KLHL24: variants seen among roughly 807,000 people sequenced by gnomAD.
The protein encoded by KLHL24 is kelch like family member 24.
KLHL24 carries 29 observed loss-of-function variants against 53.4 expected under a neutral mutation model. The ratio of observed to expected loss-of-function variants is 0.54; its 90% CI spans 0.40 to 0.74. The LOEUF is 0.74. KLHL24 is among the 30% of genes least tolerant of loss of function. The pLI is 0.00. For synonymous variants in KLHL24, 222 were observed against 253.7 expected (o/e 0.88, Z 1.19); for missense variants, 504 against 744.0 (o/e 0.68, Z 3.75).
intron 3 of KLHL24, among the ~76,000 whole-genome samples, chr3:183,655,472 A>G (rs1373574409): frequency 3.3e-5 from 5 of 152,170 alleles, no homozygotes; most frequent in Admixed American, 2.0e-4. Context: ...CAGAAAAAAA[A>G]GAAAAAATTA....
chr3:183,668,664 T>C (rs1019818399), intron 5 of KLHL24, among the ~76,000 whole-genome samples: 2 of 152,266 alleles, frequency 1.3e-5, no homozygotes, highest in East Asian at 1.9e-4. Context: ...CCCAGCACTT[T>C]GGGAGGCCGA....
intron 3 of KLHL24, among the ~76,000 whole-genome samples, chr3:183,656,949 T>C (rs937541107): frequency 8.5e-5 from 13 of 152,052 alleles, no homozygotes; most frequent in Admixed American, 3.3e-4. Context: ...AACAATCTGA[T>C]TCTGATCTCT....
intron 7 of KLHL24, 33 bp downstream of exon 7, chr3:183,672,517 A>T: frequency 7.0e-7 from 1 of 1,436,550 alleles, no homozygotes; most frequent in South Asian, 1.3e-5. Context: ...AAGAAAAATA[A>T]ATCTAAGAGG....
At chr3:183,668,649 G>A (rs550450089) in intron 5 of KLHL24, among the ~76,000 whole-genome samples, 1 of 152,224 alleles carries the variant, frequency 6.6e-6, no homozygotes, top group African/African-American at 2.4e-5. Flanking sequence ...GCTCACGCCT[G>A]TAATCCCAGC....
In KLHL24 at chr3:183,650,978, G is replaced by C. The variant is rs202077836; in HGVS notation, c.622G>C (p.Asp208His). 1.0e-4 allele frequency: 167 copies of C among 1,614,062 alleles called. No homozygotes were observed. The highest frequency in any genetic ancestry group is 1.4e-4 in the Non-Finnish European group (161 of 1,180,044). ...CCAGCACGAAGAATTTCTTGAGCTT[G>C]ACAAAGATGAACTTATTGATTATAT... ...VSQHEEFLEL[D>H]KDELIDYICS... Residue 208 changes from aspartate to histidine, a missense_variant, in exon 3 of 8, where the codon GAC becomes CAC. Transcript: ENST00000242810. This position sits in a 1 kb window ranked among gnomAD's most constrained non-coding sequence, Gnocchi z 4.5.
intron 5 of KLHL24, among the ~76,000 whole-genome samples, chr3:183,668,774 G>A (rs572659797): frequency 6.6e-6 from 1 of 152,108 alleles, no homozygotes; most frequent in Admixed American, 6.5e-5. Context: ...GCATAGTGGC[G>A]GACACCTGTA....
chr3:183,658,199 C>T (rs936952188), intron 3 of KLHL24, among the ~76,000 whole-genome samples: 9 of 137,720 alleles, frequency 6.5e-5, no homozygotes, highest in East Asian at 2.2e-4. Flanking sequence ...GATGACAGAG[C>T]GAGACTCTGT....
chr3:183,647,804 G>A (rs1352507137), intron 2 of KLHL24, among the ~76,000 whole-genome samples: 1 of 152,052 alleles, frequency 6.6e-6, no homozygotes, highest in Non-Finnish European at 1.5e-5. Flanking sequence ...AGGAGTTCAA[G>A]ACCAGCCTAG....
At chr3:183,668,167 A>G (rs1720838340) in intron 5 of KLHL24, among the ~76,000 whole-genome samples, 1 of 151,962 alleles carries the variant, frequency 6.6e-6, no homozygotes, top group East Asian at 1.9e-4. Context: ...GTTTGTTAGT[A>G]CTTACTATAT....
chr3:183,669,272 A>G (rs1169526538), intron 5 of KLHL24, among the ~76,000 whole-genome samples: 1 of 152,168 alleles, frequency 6.6e-6, no homozygotes, highest in Non-Finnish European at 1.5e-5. Context: ...GAATCCCTTG[A>G]AGCCAGGAGG....
At position 183,659,462 on chromosome 3, in the gene KLHL24, G is replaced by A. The variant is rs111656436; in HGVS notation, c.921-3996G>A. ...TGAGGCAGGAGAATGGCTTGAACCCGGGAAGAGGCAGAGATTGCAAGATCG... is the reference window on the plus strand; with the variant it reads ...TGAGGCAGGAGAATGGCTTGAACCCAGGAAGAGGCAGAGATTGCAAGATCG... On this transcript the variant is annotated intron_variant, in intron 3 of 7. Transcript: ENST00000242810. Among the ~76,000 whole-genome samples, 51 of 152,298 alleles carry A rather than the reference G, an allele frequency of 3.3e-4. 1 individual carries two copies. The highest frequency in any genetic ancestry group is 8.7e-4 in the African/African-American group (36 of 41,570).
chr3:183,641,906 C>T (rs1326456056), intron 1 of KLHL24, among the ~76,000 whole-genome samples: 1 of 152,154 alleles, frequency 6.6e-6, no homozygotes, highest in African/African-American at 2.4e-5. Flanking sequence ...TTACCCTTAC[C>T]GATTAGGTTG....
chr3:183,660,739 A>G (rs530729331), intron 3 of KLHL24, among the ~76,000 whole-genome samples: 277 of 152,214 alleles, frequency 1.8e-3, no homozygotes, highest in African/African-American at 6.1e-3. Context: ...CTTACCACAC[A>G]AATTGATACT....
intron 7 of KLHL24, among the ~76,000 whole-genome samples, chr3:183,674,171 TAAAC>T (rs893042467): frequency 7.9e-5 from 12 of 152,152 alleles, no homozygotes; most frequent in Admixed American, 5.2e-4. Context: ...AAGTTTTACC[TAAAC>T]AAACAAAAAT....
intron 3 of KLHL24, among the ~76,000 whole-genome samples, chr3:183,657,074 T>A (rs1040355302): frequency 4.0e-5 from 6 of 149,914 alleles, no homozygotes; most frequent in African/African-American, 1.5e-4. Flanking sequence ...GTAGTGTGGT[T>A]CTGATGCTGC....
chr3:183,666,573 AT>A (rs1720595913), intron 5 of KLHL24, among the ~76,000 whole-genome samples: 1 of 151,988 alleles, frequency 6.6e-6, no homozygotes, highest in Non-Finnish European at 1.5e-5. Flanking sequence ...AATATTTTGG[AT>A]TTTTTTCATA....
At chr3:183,637,723 A>G (rs758698954) in intron 1 of KLHL24, among the ~76,000 whole-genome samples, 3 of 152,188 alleles carry the variant, frequency 2.0e-5, no homozygotes, top group Admixed American at 1.3e-4. Flanking sequence ...CACCCAGGCC[A>G]TCTCAGCTCA....
chr3:183,657,106 T>TGCA (rs147996720), intron 3 of KLHL24, among the ~76,000 whole-genome samples: 50,490 of 151,528 alleles, frequency 0.33, 9,184 homozygotes, highest in African/African-American at 0.49. Flanking sequence ...CCTGTCCTGA[T>TGCA]CCACATCCTT....
rs1712979324 is a variant in KLHL24 at position 183,684,267 on chromosome 3, A to G, written c.*4981A>G. On this transcript the variant is annotated 3_prime_UTR_variant, in exon 8 of 8. Coordinates refer to ENST00000242810, the MANE Select transcript of KLHL24 (RefSeq NM_017644.3). Reference sequence around the variant, plus strand: ...TACAAATTTAGAGTTGAACAAAAGTATAATCTGCTTTACAACTAGTATAGA... The same window carrying G: ...TACAAATTTAGAGTTGAACAAAAGTGTAATCTGCTTTACAACTAGTATAGA... 6.6e-6 allele frequency: 1 copy of G among 152,572 alleles called. No homozygotes were observed. Among genetic ancestry groups the G allele is most frequent in the African/African-American group, 2.4e-5 (1 of 41,462 alleles). The allele number at this position is 152,572 out of a possible 1,614,324, so 9.5% of individuals were successfully genotyped here. A position where few individuals can be genotyped will look rare whatever the true frequency, so the allele number is the denominator to read the frequency against.
Sources: gnomAD v4.1 joint callset for allele counts (sites outside exome capture counted in the v4.1 genomes callset) on GRCh38, gnomAD v4.1.1 for gene constraint, Gnocchi (gnomAD v3.1) non-coding constraint, MANE v1.5 for transcripts, NCBI Gene and HGNC (gene_info 2026-07-23, HGNC 2026-07-21) for gene names.